CFHR1: variants seen among roughly 807,000 people sequenced by gnomAD.
The protein encoded by CFHR1 is complement factor H related 1.
Under a neutral mutation model 30.4 loss-of-function variants are expected in CFHR1, and 22 were observed. The observed-to-expected ratio is 0.72, with a 90% CI of 0.52 to 1.03. CFHR1 has a LOEUF of 1.03. Among genes scored for constraint, CFHR1 ranks in the 50% least tolerant of loss-of-function variants. CFHR1 has a pLI of 0.00. For synonymous variants in CFHR1, 95 were observed against 129.1 expected, an observed-to-expected ratio of 0.74 and a Z score of 1.79; for missense variants, 248 against 380.6, an observed-to-expected ratio of 0.65 and a Z score of 2.90.
chr1:196,824,815 T>C (rs1655264168), intron 1 of CFHR1, among the ~76,000 whole-genome samples: 1 of 114,840 alleles, frequency 8.7e-6, no homozygotes, highest in South Asian at 3.1e-4. Context: ...AGTATAAATA[T>C]ATAAATACAA....
intron 5 of CFHR1, 89 bp downstream of exon 5, chr1:196,830,771 G>C: frequency 7.0e-7 from 1 of 1,430,394 alleles, no homozygotes; most frequent in East Asian, 2.3e-5. Context: ...ACAGATTATT[G>C]AACAACCATT....
In CFHR1 at chr1:196,830,667, C is replaced by T; in HGVS notation, c.775C>T (p.Pro259Ser). 6.6e-7 allele frequency: 1 copy of T among 1,524,242 alleles called. No individual in the cohort carries two copies. The allele number at this position is 1,524,242 out of a possible 1,614,324, so 94.4% of individuals were successfully genotyped here. Reference protein sequence around the residue: ...ITCRNGQWSEPPKCLHPCVIS... With the variant: ...ITCRNGQWSESPKCLHPCVIS... ...ATGTAGAAATGGACAATGGTCAGAA[C>T]CACCAAAATGCTTACGTAAGTACTT... Residue 259 changes from proline (P) to serine (S), a missense_variant, in exon 5 of 6, where the codon CCA (proline) becomes TCA (serine). This residue lies in a region of CFHR1 where 112 missense variants were observed against 156.4 expected (regional missense o/e 0.72). Transcript: ENST00000320493.
intron 4 of CFHR1, among the ~76,000 whole-genome samples, 192 bp downstream of exon 4, chr1:196,828,438 C>A (rs1655424939): frequency 7.5e-6 from 1 of 133,916 alleles, no homozygotes; most frequent in Admixed American, 7.2e-5. Flanking sequence ...GAGAAAGATT[C>A]GACCAAATTA....
chr1:196,825,228 G>A (rs1308477874), intron 1 of CFHR1: 3 of 342,000 alleles, frequency 8.8e-6, no homozygotes, highest in Non-Finnish European at 1.6e-5. Flanking sequence ...GACAATGCAG[G>A]AGAGTTCATA....
In CFHR1 at chr1:196,829,778, A is replaced by C. The variant is rs1309241780; in HGVS notation, c.608-722A>C. Among the ~76,000 whole-genome samples, 4 of 134,872 alleles carry C rather than the reference A, an allele frequency of 3.0e-5. 2 individuals carry two copies. The highest frequency in any genetic ancestry group is 6.3e-5 in the African/African-American group (2 of 31,650). 88.5% of individuals were successfully genotyped at this position (134,872 alleles called of 152,430 possible). A position where few individuals can be genotyped will look rare whatever the true frequency, so the allele number is the denominator to read the frequency against. ...TTTAATGTATATTGGTATAAATTCC[A>C]ATGTTTTTATCCTCTTTGGAGTTCA... On this transcript the variant is annotated intron_variant, in intron 4 of 5. Transcript: ENST00000320493.
Position 196,828,319 on chromosome 1 carries a change from G to T in CFHR1, c.607+73G>T, listed in dbSNP as rs1432654677. 9 of 1,055,198 alleles carry T rather than the reference G, an allele frequency of 8.5e-6. 1 individual carries two copies. The highest frequency in any genetic ancestry group is 1.2e-5 in the Non-Finnish European group (9 of 765,536). 65.4% of individuals were successfully genotyped at this position (1,055,198 alleles called of 1,614,324 possible). A position where few individuals can be genotyped will look rare whatever the true frequency, so the allele number is the denominator to read the frequency against. On this transcript the variant is annotated intron_variant, in intron 4 of 5. Coordinates refer to ENST00000320493, the MANE Select transcript of CFHR1 (RefSeq NM_002113.3). ...TAAAATATGTTGATTTAAACAAAAT[G>T]AAGTCATTTTTATTAATAGATTTTT...
rs1297497530 is a variant in CFHR1 at position 196,824,592 on chromosome 1, A to G, written c.59-885A>G. 3.0e-5 allele frequency among the ~76,000 whole-genome samples: 4 copies of G among 131,570 alleles called. 1 individual carries two copies. Among genetic ancestry groups the G allele is most frequent in the Non-Finnish European group, 6.3e-5 (4 of 63,480 alleles). The allele number at this position is 131,570 out of a possible 152,430, so 86.3% of individuals were successfully genotyped here. A position where few individuals can be genotyped will look rare whatever the true frequency, so the allele number is the denominator to read the frequency against. ...AATTTAAGGAATCTCTAGAGTATTT[A>G]TAATACCTAATACAATGTAAATGCT... is the stretch of plus-strand genomic sequence containing the variant. On this transcript the variant is annotated intron_variant, in intron 1 of 5. Transcript: ENST00000320493.
Position 196,828,013 on chromosome 1 carries a change from T to C in CFHR1, c.431-57T>C, listed in dbSNP as rs1287592573. 26 of 1,438,206 alleles carry C rather than the reference T, an allele frequency of 1.8e-5. 5 individuals carry two copies. The African/African-American group carries it at 3.6e-4, about 20-fold the overall frequency. 89.1% of individuals were successfully genotyped at this position (1,438,206 alleles called of 1,614,324 possible). A position where few individuals can be genotyped will look rare whatever the true frequency, so the allele number is the denominator to read the frequency against. ...TGAAACATATTTGTAACTGTATTAG[T>C]TGATTTGCTACTCAAAATGAACACT... On this transcript the variant is annotated intron_variant, in intron 3 of 5. Coordinates refer to ENST00000320493, the MANE Select transcript of CFHR1 (RefSeq NM_002113.3).
intron 1 of CFHR1, chr1:196,825,270 T>A (rs1655278089): frequency 2.4e-6 from 1 of 409,356 alleles, no homozygotes; most frequent in Non-Finnish European, 4.3e-6. Context: ...AAATTTTATA[T>A]TCATTAACAA....
At position 196,826,900 on chromosome 1, in the gene CFHR1, A is replaced by C. The variant is rs753010387; in HGVS notation, c.325A>C (p.Thr109Pro). The C allele has an allele frequency of 2.0e-6, 3 of 1,525,192 alleles. No individual in the cohort carries two copies. The allele number at this position is 1,525,192 out of a possible 1,614,324, so 94.5% of individuals were successfully genotyped here. The stretch of plus-strand genomic sequence containing the variant: ...AGGACAAACACATCTGGAAGGTGAT[A>C]CTGTGCAAATTATTTGCAACACAGG... ...SSGQTHLEGDTVQIICNTGYR... is the reference protein window; with the variant it reads ...SSGQTHLEGDPVQIICNTGYR... The change falls in exon 3 of 6, where the codon ACT becomes CCT. Residue 109 changes from threonine (T) to proline (P), a missense_variant. Coordinates refer to ENST00000320493, the MANE Select transcript of CFHR1 (RefSeq NM_002113.3).
Position 196,825,665 on chromosome 1 carries a change from T to A in CFHR1, c.247T>A (p.Cys83Ser), listed in dbSNP as rs745817071. The A allele has an allele frequency of 4.6e-6, 7 of 1,521,626 alleles. 1 individual carries two copies. The highest frequency in any genetic ancestry group is 6.2e-6 in the Non-Finnish European group (7 of 1,126,484). The allele number at this position is 1,521,626 out of a possible 1,614,324, so 94.3% of individuals were successfully genotyped here. The change falls in exon 2 of 6, where the codon TGT becomes AGT. Residue 83 changes from cysteine to serine, a missense_variant. Cys to Ser is a moderately radical substitution (Grantham distance 112). Coordinates refer to ENST00000320493, the MANE Select transcript of CFHR1 (RefSeq NM_002113.3). The part of the protein sequence containing the change: ...TEEGWSPTPK[C>S]LRLCFFPFVE... ...AGAAGGATGGTCACCAACACCAAAG[T>A]GTCTCAGTGAGTAAATGCTCTGTTC... is the stretch of plus-strand genomic sequence containing the variant.
Position 196,828,201 on chromosome 1 carries a change from G to A in CFHR1, c.562G>A (p.Val188Met), listed in dbSNP as rs756616341. 2.4e-6 allele frequency: 3 copies of A among 1,242,458 alleles called. No individual in the cohort carries two copies. In the South Asian group the frequency reaches 4.5e-5, roughly 19 times the overall value. The allele number at this position is 1,242,458 out of a possible 1,614,324, so 77.0% of individuals were successfully genotyped here. A position where few individuals can be genotyped will look rare whatever the true frequency, so the allele number is the denominator to read the frequency against. Residue 188 changes from valine to methionine, a missense_variant, in exon 4 of 6, where the codon GTG (valine) becomes ATG (methionine). By Grantham distance (21) the Val-to-Met change is conservative. Transcript: ENST00000320493. ...SPYEMFGDEE[V>M]MCLNGNWTEP... ...TTATGAAATGTTTGGGGATGAAGAAGTGATGTGTTTAAATGGAAACTGGAC... is the reference window on the plus strand; with the variant it reads ...TTATGAAATGTTTGGGGATGAAGAAATGATGTGTTTAAATGGAAACTGGAC...
At chr1:196,827,039 T>C in intron 3 of CFHR1, 34 bp downstream of exon 3, 2 of 1,496,380 alleles carry the variant, frequency 1.3e-6, no homozygotes, top group Middle Eastern at 1.9e-4. Flanking sequence ...TATGCTGTTA[T>C]CTATTATAAA....
rs778697156 is a variant in CFHR1, at chr1:196,823,101, ATGTGTG to A, written c.59-2348_59-2343del. On this transcript the variant is annotated intron_variant, in intron 1 of 5. Transcript: ENST00000320493. ...TACGACTGTATATATATATATATAT[ATGTGTG>A]TGTGTGTGTGTGTGTGTGTGTGTGT... Among the ~76,000 whole-genome samples, 17 of 47,048 alleles carry A rather than the reference ATGTGTG, an allele frequency of 3.6e-4. 3 individuals are homozygous for A. Among genetic ancestry groups the A allele is most frequent in the Admixed American group, 8.2e-4 (3 of 3,646 alleles). 30.9% of individuals were successfully genotyped at this position (47,048 alleles called of 152,430 possible).
chr1:196,824,023 AG>A (rs60527232), intron 1 of CFHR1, among the ~76,000 whole-genome samples: 59,734 of 132,220 alleles, frequency 0.45, 19,541 homozygotes, highest in Admixed American at 0.54. Flanking sequence ...AAGAGTAAAA[AG>A]TATGAAGATT....
chr1:196,830,539 A>G lies in CFHR1; in HGVS notation c.647A>G (p.Asn216Ser), dbSNP rs749050134. Residue 216 changes from asparagine to serine, a missense_variant, in exon 5 of 6, where the codon AAT (asparagine) becomes AGT (serine). By Grantham distance (46) the Asn-to-Ser change is conservative. This residue lies in a region of CFHR1 where 112 missense variants were observed against 156.4 expected (regional missense o/e 0.72). Transcript: ENST00000320493. ...TGTGGGCCCCCTCCACCTATTGACA[A>G]TGGGGACATTACTTCATTCCCGTTG... ...GKCGPPPPIDNGDITSFPLSV... is the reference protein window; with the variant it reads ...GKCGPPPPIDSGDITSFPLSV... 6 of 1,525,240 alleles carry G rather than the reference A, an allele frequency of 3.9e-6. No individual in the cohort carries two copies. The highest frequency in any genetic ancestry group is 5.3e-6 in the Non-Finnish European group (6 of 1,129,394). 94.5% of individuals were successfully genotyped at this position (1,525,240 alleles called of 1,614,324 possible). A position where few individuals can be genotyped will look rare whatever the true frequency, so the allele number is the denominator to read the frequency against.
chr1:196,821,921 G>A (rs1185423100), intron 1 of CFHR1, among the ~76,000 whole-genome samples: 4 of 117,444 alleles, frequency 3.4e-5, no homozygotes, highest in Non-Finnish European at 5.1e-5. Context: ...ATAGCCTGTC[G>A]CTCCTAGGCT....
chr1:196,826,906 C>G lies in CFHR1; in HGVS notation c.331C>G (p.Gln111Glu), dbSNP rs750263216. 5 of 1,525,128 alleles carry G rather than the reference C, an allele frequency of 3.3e-6. 2 individuals carry two copies. Among genetic ancestry groups the G allele is most frequent in the Non-Finnish European group, 4.4e-6 (5 of 1,129,234 alleles). The allele number at this position is 1,525,128 out of a possible 1,614,324, so 94.5% of individuals were successfully genotyped here. A position where few individuals can be genotyped will look rare whatever the true frequency, so the allele number is the denominator to read the frequency against. ...GQTHLEGDTV[Q>E]IICNTGYRLQ... ...AACACATCTGGAAGGTGATACTGTG[C>G]AAATTATTTGCAACACAGGATACAG... Residue 111 changes from glutamine (Q) to glutamate (E), a missense_variant, in exon 3 of 6, where the codon CAA becomes GAA. Physicochemically the swap from Gln to Glu is conservative, Grantham distance 29. This residue lies in a region of CFHR1 where 121 missense variants were observed against 162.6 expected (regional missense o/e 0.74). Coordinates refer to ENST00000320493, the MANE Select transcript of CFHR1 (RefSeq NM_002113.3).
At position 196,830,546 on chromosome 1, in the gene CFHR1, C is replaced by A; in HGVS notation, c.654C>A (p.Asp218Glu). The change falls in exon 5 of 6, where the codon GAC becomes GAA. Residue 218 changes from aspartate (D) to glutamate (E), a missense_variant. Coordinates refer to ENST00000320493, the MANE Select transcript of CFHR1 (RefSeq NM_002113.3). ...CCCCTCCACCTATTGACAATGGGGA[C>A]ATTACTTCATTCCCGTTGTCAGTAT... ...CGPPPPIDNG[D>E]ITSFPLSVYA... The A allele has an allele frequency of 6.6e-7, 1 of 1,525,122 alleles. No individual in the cohort carries two copies. The highest frequency in any genetic ancestry group is 8.9e-7 in the Non-Finnish European group (1 of 1,129,238). 94.5% of individuals were successfully genotyped at this position (1,525,122 alleles called of 1,614,324 possible). A position where few individuals can be genotyped will look rare whatever the true frequency, so the allele number is the denominator to read the frequency against.
Sources: allele counts gnomAD v4.1 joint callset (sites outside exome capture counted in the v4.1 genomes callset), GRCh38; gene constraint gnomAD v4.1.1; regional missense constraint gnomAD v4.1.1; transcripts MANE v1.5; gene names NCBI Gene and HGNC (gene_info 2026-07-23, HGNC 2026-07-21).